NCOR1: variants seen among roughly 807,000 people sequenced by gnomAD.
NCOR1 encodes protein phosphatase 1, regulatory subunit 109.
A neutral mutation model predicts 288.1 loss-of-function variants in NCOR1; 63 were observed. The ratio of observed to expected loss-of-function variants is 0.22; its 90% CI spans 0.18 to 0.27. The LOEUF is 0.27. NCOR1 is among the 10% of genes least tolerant of loss of function. The pLI, the probability that NCOR1 is intolerant of heterozygous loss-of-function variation, is 1.00. For missense variants in NCOR1, 2,397 were observed against 3,019.2 expected (o/e 0.79, Z 4.83); for synonymous variants, 1,007 against 1,065.9 (o/e 0.94, Z 1.08).
intron 37 of NCOR1, among the ~76,000 whole-genome samples, 199 bp downstream of exon 37, chr17:16,061,202 T>C (rs1436198018): frequency 6.6e-6 from 1 of 152,232 alleles, no homozygotes; most frequent in Non-Finnish European, 1.5e-5. Flanking sequence ...AGTTTTCTTG[T>C]GGAAGATACA....
In NCOR1 at chr17:16,041,806, G is replaced by T. The variant is rs954623530; in HGVS notation, c.6680-1312C>A. 5.9e-5 allele frequency among the ~76,000 whole-genome samples: 9 copies of T among 151,990 alleles called. No individual in the cohort carries two copies. The South Asian group carries it at 1.5e-3, about 25-fold the overall frequency. ...GGCTGGAGTGCAGCGGTGCGATCTT[G>T]GCTCACTGCAAGCTCTGCCTCCCAG... On this transcript the variant is annotated intron_variant, in intron 42 of 45. Transcript: ENST00000268712.
At chr17:16,123,520 A>G (rs994945132) in intron 15 of NCOR1, among the ~76,000 whole-genome samples, 3 of 152,146 alleles carry the variant, frequency 2.0e-5, no homozygotes, top group African/African-American at 7.2e-5. Context: ...TCCCTTTCTA[A>G]CTATTCCCAG....
chr17:16,110,973 ATTTG>A lies in NCOR1; in HGVS notation c.2056-2065_2056-2062del, dbSNP rs2070003538. On this transcript the variant is annotated intron_variant, in intron 18 of 45. Transcript: ENST00000268712. ...CAAGGATAATAACTACTTTTAATTT[ATTTG>A]TTTGTTTTTGAATATGAGGTGTTGC... 2.0e-5 allele frequency among the ~76,000 whole-genome samples: 3 copies of A among 152,140 alleles called. 1 individual carries two copies. Among genetic ancestry groups the A allele is most frequent in the South Asian group, 4.1e-4 (2 of 4,830 alleles).
chr17:16,064,040 G>T (rs201642948), intron 35 of NCOR1, 28 bp downstream of exon 35: 2 of 1,612,566 alleles, frequency 1.2e-6, no homozygotes, highest in South Asian at 1.1e-5. Context: ...TGTGTCCAGA[G>T]AATGGAAGAG....
chr17:16,092,691 ATATATTTTTTTT>A (rs1190896428), intron 21 of NCOR1, among the ~76,000 whole-genome samples: 15 of 10,848 alleles, frequency 1.4e-3, no homozygotes, highest in African/African-American at 1.6e-3. Context: ...ATATATATAT[ATATATTTTTTTT>A]TTTTTTTTTT....
chr17:16,197,567 G>A (rs1375811072), intron 1 of NCOR1, among the ~76,000 whole-genome samples: 4 of 152,124 alleles, frequency 2.6e-5, no homozygotes, highest in Non-Finnish European at 5.9e-5. Context: ...TGATTTGACA[G>A]GTGAGAAATC....
intron 10 of NCOR1, among the ~76,000 whole-genome samples, chr17:16,144,305 G>A (rs1353564742): frequency 6.6e-6 from 1 of 152,126 alleles, no homozygotes; most frequent in Non-Finnish European, 1.5e-5. Flanking sequence ...ATGTCCAAAG[G>A]ATGTAATACT....
chr17:16,117,345 G>A (rs1188553751), intron 18 of NCOR1, among the ~76,000 whole-genome samples: 1 of 152,022 alleles, frequency 6.6e-6, no homozygotes, highest in Non-Finnish European at 1.5e-5. Flanking sequence ...GGTCATGATG[G>A]GCCTTGTTTG....
chr17:16,043,908 G>A (rs1332411638), intron 42 of NCOR1, among the ~76,000 whole-genome samples: 1 of 152,114 alleles, frequency 6.6e-6, no homozygotes, highest in African/African-American at 2.4e-5. Flanking sequence ...AGTGGTTCAC[G>A]CCTGTAATCC....
At chr17:16,094,515 G>T (rs2065979477) in intron 21 of NCOR1, among the ~76,000 whole-genome samples, 2 of 152,134 alleles carry the variant, frequency 1.3e-5, no homozygotes. Flanking sequence ...AAGAAAAATT[G>T]AGAGTGTTGG....
chr17:16,200,506 A>G, intron 1 of NCOR1, among the ~76,000 whole-genome samples: 1 of 150,600 alleles, frequency 6.6e-6, no homozygotes, highest in Admixed American at 6.6e-5. Context: ...AAAAAAAAAA[A>G]AAAAAAAAAA....
intron 44 of NCOR1, among the ~76,000 whole-genome samples, chr17:16,037,782 T>G (rs938105414): frequency 6.6e-6 from 1 of 152,234 alleles, no homozygotes; most frequent in Admixed American, 6.5e-5. Flanking sequence ...TTTTCCAGAC[T>G]GTGTAGCTGA....
At position 16,030,166 on chromosome 17, in the gene NCOR1, T is replaced by C. The variant is rs116815999; in HGVS notation, c.*2130A>G. ...AGTAAGCTAGAGAAGAGAAAATGTT[T>C]GTTAAGATTATAAGGAAGAGAAAAT... On this transcript the variant is annotated 3_prime_UTR_variant, in exon 46 of 46. Coordinates refer to ENST00000268712, the MANE Select transcript of NCOR1 (RefSeq NM_006311.4). 3,943 of 201,526 alleles carry C rather than the reference T, an allele frequency of 0.02. 175 individuals carry two copies. The highest frequency in any genetic ancestry group is 0.085 in the African/African-American group (3,679 of 43,392). The allele number at this position is 201,526 out of a possible 1,614,324, so 12.5% of individuals were successfully genotyped here.
intron 1 of NCOR1, among the ~76,000 whole-genome samples, chr17:16,206,264 G>A (rs1239113248): frequency 6.0e-5 from 9 of 148,874 alleles, no homozygotes; most frequent in Non-Finnish European, 5.9e-5. Context: ...TACACAAAAT[G>A]CATATACATA....
intron 28 of NCOR1, among the ~76,000 whole-genome samples, 159 bp from the exon 29 acceptor site, chr17:16,072,387 C>T (rs1482886104): frequency 2.6e-5 from 4 of 152,190 alleles, no homozygotes; most frequent in African/African-American, 9.6e-5. Flanking sequence ...CCTAATATGA[C>T]ATCACACAGT....
chr17:16,212,253 C>T (rs1047340255), intron 1 of NCOR1, among the ~76,000 whole-genome samples: 6 of 149,884 alleles, frequency 4.0e-5, no homozygotes, highest in African/African-American at 9.9e-5. Context: ...GTGACAAGAG[C>T]GAGACCCTGT....
chr17:16,033,238 G>A (rs144845313), intron 45 of NCOR1, among the ~76,000 whole-genome samples: 5,786 of 151,434 alleles, frequency 0.038, 113 homozygotes, highest in East Asian at 0.074. Context: ...GGGAGGCTGA[G>A]GCAGGAGAAT....
chr17:16,057,375 G>T, intron 40 of NCOR1, 139 bp downstream of exon 40: 1 of 781,668 alleles, frequency 1.3e-6, no homozygotes, highest in Non-Finnish European at 2.1e-6. Context: ...TATGCAGGGG[G>T]AAGAAAGCTC....
At chr17:16,041,085 C>T (rs1352833994) in intron 42 of NCOR1, 1 of 152,560 alleles carries the variant, frequency 6.6e-6, no homozygotes, top group Non-Finnish European at 1.5e-5. Context: ...AAAGCCACCA[C>T]AGTGAATACT....
Sources: gnomAD v4.1 joint callset for allele counts (sites outside exome capture counted in the v4.1 genomes callset) on GRCh38, gnomAD v4.1.1 for gene constraint, MANE v1.5 for transcripts, NCBI Gene and HGNC (gene_info 2026-07-23, HGNC 2026-07-21) for gene names.